The following PCDH15 variants were observed in gnomAD, a reference collection of about 807,000 sequenced individuals.
PCDH15 encodes the protein protocadherin-15.
A neutral mutation model predicts 178.5 loss-of-function variants in PCDH15; 129 were observed. That is an observed-to-expected ratio of 0.72 (90% CI 0.63 to 0.84). The LOEUF is 0.84. Ranked by LOEUF, PCDH15 falls within the 40% of genes least tolerant of loss-of-function variation. The pLI is 0.00. For missense variants in PCDH15, 2,230 were observed against 2,099.9 expected (o/e 1.06, Z -1.21); for synonymous variants, 800 against 732.0 (o/e 1.09, Z -1.50).
At chr10:55,148,740 A>G (rs1335630568) in intron 2 of PCDH15, among the ~76,000 whole-genome samples, 1 of 151,498 alleles carries the variant, frequency 6.6e-6, no homozygotes, top group Non-Finnish European at 1.5e-5. Context: ...AATGTCTGTT[A>G]AGATTTCACT....
chr10:54,390,387 G>A (rs907013919), intron 3 of PCDH15, among the ~76,000 whole-genome samples: 5 of 152,104 alleles, frequency 3.3e-5, no homozygotes, highest in African/African-American at 1.2e-4. Context: ...CTGCCTCTGG[G>A]GTTCACGCCA....
chr10:54,684,222 A>T (rs1471185863), intron 1 of PCDH15, among the ~76,000 whole-genome samples: 2 of 151,974 alleles, frequency 1.3e-5, no homozygotes, highest in East Asian at 3.9e-4. Context: ...TATGATTTGT[A>T]ATACGAAGAG....
At chr10:54,262,421 T>C (rs970519771) in intron 8 of PCDH15, among the ~76,000 whole-genome samples, 3 of 152,146 alleles carry the variant, frequency 2.0e-5, no homozygotes, top group East Asian at 1.9e-4. Flanking sequence ...TGACCACTCC[T>C]GCAAGAGGGT....
intron 3 of PCDH15, among the ~76,000 whole-genome samples, chr10:54,500,752 C>G (rs891275000): frequency 1.3e-5 from 2 of 152,022 alleles, no homozygotes; most frequent in African/African-American, 4.8e-5. Flanking sequence ...ATCACTTGAA[C>G]CCAGGCAAGA....
intron 1 of PCDH15, among the ~76,000 whole-genome samples, chr10:54,680,240 GA>G (rs750380168): frequency 6.6e-6 from 1 of 152,104 alleles, no homozygotes; most frequent in Non-Finnish European, 1.5e-5. Context: ...AACAATAATA[GA>G]AAAGAGTGTC....
Position 53,805,293 on chromosome 10 carries a change from G to GTAA in PCDH15, c.*1283_*1285dup, listed in dbSNP as rs528890298. On this transcript the variant is annotated 3_prime_UTR_variant, in exon 38 of 38. Transcript: ENST00000644397. ...GTGAGCTACATCTATATCATACTAA[G>GTAA]TAATATTCAATAGAATTCTGAATTC... is the stretch of plus-strand genomic sequence containing the variant. 1 of 151,982 alleles carries GTAA rather than the reference G, an allele frequency of 6.6e-6. No individual in the cohort carries two copies. Among genetic ancestry groups the GTAA allele is most frequent in the Non-Finnish European group, 1.5e-5 (1 of 67,964 alleles). 9.4% of individuals were successfully genotyped at this position (151,982 alleles called of 1,614,324 possible).
chr10:54,772,448 T>C (rs1409590368), intron 1 of PCDH15, among the ~76,000 whole-genome samples: 2 of 152,202 alleles, frequency 1.3e-5, no homozygotes, highest in Admixed American at 6.5e-5. Context: ...TTTTGTCTTA[T>C]CTTTTTGTTG....
chr10:54,420,153 T>G (rs1306480302), intron 3 of PCDH15, among the ~76,000 whole-genome samples: 1 of 152,080 alleles, frequency 6.6e-6, no homozygotes, highest in Non-Finnish European at 1.5e-5. Context: ...AGAAAAAATG[T>G]GAAATGAAGA....
At chr10:54,934,016 T>C (rs1837845385) in intron 2 of PCDH15, among the ~76,000 whole-genome samples, 1 of 152,114 alleles carries the variant, frequency 6.6e-6, no homozygotes, top group Admixed American at 6.6e-5. Flanking sequence ...AGAGACACTA[T>C]CAATATAAAG....
intron 2 of PCDH15, among the ~76,000 whole-genome samples, chr10:54,978,816 C>T (rs1208399306): frequency 6.6e-6 from 1 of 152,122 alleles, no homozygotes; most frequent in African/African-American, 2.4e-5. Context: ...TCAAAGCTAT[C>T]TCTTTAAGAT....
At chr10:54,111,030 G>A (rs1482647870) in intron 15 of PCDH15, among the ~76,000 whole-genome samples, 2 of 152,094 alleles carry the variant, frequency 1.3e-5, no homozygotes, top group Non-Finnish European at 2.9e-5. Flanking sequence ...GTCTCCCATT[G>A]TTCTCACTAG....
chr10:54,011,645 C>T (rs545535510), intron 20 of PCDH15, among the ~76,000 whole-genome samples: 14 of 152,248 alleles, frequency 9.2e-5, no homozygotes, highest in Non-Finnish European at 1.8e-4. Context: ...CAGTTAAGTG[C>T]CATCTGCTGG....
chr10:55,405,983 G>C (rs1158587774), intron 2 of PCDH15, among the ~76,000 whole-genome samples: 1 of 150,910 alleles, frequency 6.6e-6, no homozygotes, highest in Non-Finnish European at 1.5e-5. Flanking sequence ...GTGTCGATGA[G>C]AAAATTGTAT....
At chr10:54,951,053 T>C (rs1838325338) in intron 2 of PCDH15, among the ~76,000 whole-genome samples, 1 of 151,934 alleles carries the variant, frequency 6.6e-6, no homozygotes, top group African/African-American at 2.4e-5. Context: ...TTTAAATTGG[T>C]GAGCCAATAT....
At chr10:54,722,925 C>T (rs1941878848) in intron 1 of PCDH15, among the ~76,000 whole-genome samples, 1 of 151,636 alleles carries the variant, frequency 6.6e-6, no homozygotes, top group Non-Finnish European at 1.5e-5. Flanking sequence ...CCATCCTATG[C>T]TCATGGATTG....
At chr10:55,402,981 G>T (rs543778863) in intron 2 of PCDH15, among the ~76,000 whole-genome samples, 6 of 151,840 alleles carry the variant, frequency 4.0e-5, no homozygotes, top group Non-Finnish European at 5.9e-5. Context: ...GCCAGCGTTT[G>T]TTATTTTTTG....
At chr10:53,966,319 C>T (rs1424494417) in intron 21 of PCDH15, among the ~76,000 whole-genome samples, 1 of 152,092 alleles carries the variant, frequency 6.6e-6, no homozygotes, top group African/African-American at 2.4e-5. Context: ...GATAACTATA[C>T]TAAATAACTA....
intron 2 of PCDH15, among the ~76,000 whole-genome samples, chr10:54,624,571 T>C (rs924485934): frequency 6.6e-6 from 1 of 152,140 alleles, no homozygotes; most frequent in Non-Finnish European, 1.5e-5. Flanking sequence ...TATGCTAAAG[T>C]AGGGGTTCCC....
chr10:53,967,406 C>T (rs1307213980), intron 21 of PCDH15, among the ~76,000 whole-genome samples: 1 of 152,096 alleles, frequency 6.6e-6, no homozygotes, highest in Non-Finnish European at 1.5e-5. Flanking sequence ...ATAGCTGGAA[C>T]TACAGGTGCA....
Sources: gnomAD v4.1 joint callset for allele counts (sites outside exome capture counted in the v4.1 genomes callset) on GRCh38, gnomAD v4.1.1 for gene constraint, MANE v1.5 for transcripts, NCBI Gene and HGNC (gene_info 2026-07-23, HGNC 2026-07-21) for gene names.